Variants in CRPPA observed in about 807,000 individuals in gnomAD.
The protein encoded by CRPPA is CDP-L-ribitol pyrophosphorylase A, also known as D-ribitol-5-phosphate cytidylyltransferase.
A neutral mutation model predicts 52.0 loss-of-function variants in CRPPA; 43 were observed. The ratio of observed to expected loss-of-function variants is 0.83; its 90% confidence interval spans 0.65 to 1.07. The LOEUF is 1.07. CRPPA is among the 50% of genes least tolerant of loss of function. CRPPA has a pLI of 0.00. For synonymous variants in CRPPA, 250 were observed against 203.5 expected, an observed-to-expected ratio of 1.23 and a Z score of -1.94; for missense variants, 629 against 551.7, an observed-to-expected ratio of 1.14 and a Z score of -1.40.
chr7:16,191,462 T>C lies in CRPPA; in HGVS notation c.1251+24604A>G, dbSNP rs184246071. ...AAAATAGATTTGCAGACTTTGATAA[T>C]GGTGGTGTGGCTCATGGTGTAGGAA... On this transcript the variant is annotated intron_variant, in intron 9 of 9. Coordinates refer to ENST00000407010, the MANE Select transcript of CRPPA (RefSeq NM_001101426.4). 2.4e-3 allele frequency among the ~76,000 whole-genome samples: 365 copies of C among 152,182 alleles called. 4 individuals are homozygous for C. The highest frequency in any genetic ancestry group is 5.6e-3 in the South Asian group (27 of 4,830).
chr7:16,318,750 C>T (rs1785198564), intron 3 of CRPPA, among the ~76,000 whole-genome samples: 1 of 152,124 alleles, frequency 6.6e-6, no homozygotes, highest in Non-Finnish European at 1.5e-5. Context: ...TGGCCCTCCA[C>T]CTATATCAAT....
At chr7:16,397,605 GAC>G in intron 2 of CRPPA, among the ~76,000 whole-genome samples, 1 of 151,938 alleles carries the variant, frequency 6.6e-6, no homozygotes, top group Non-Finnish European at 1.5e-5. Context: ...ACTGACGTGT[GAC>G]ACGTGACACG....
intron 2 of CRPPA, among the ~76,000 whole-genome samples, chr7:16,389,167 C>T (rs1252019720): frequency 1.3e-5 from 2 of 152,116 alleles, no homozygotes; most frequent in Non-Finnish European, 2.9e-5. Flanking sequence ...CACTGATGAA[C>T]TATGCCAAAA....
chr7:16,137,827 T>C (rs1782790040), intron 9 of CRPPA, among the ~76,000 whole-genome samples: 1 of 152,198 alleles, frequency 6.6e-6, no homozygotes, highest in Admixed American at 6.5e-5. Flanking sequence ...AAGACAACTA[T>C]AACCTTTGCT....
chr7:16,308,225 T>G (rs1784957378), intron 4 of CRPPA, among the ~76,000 whole-genome samples: 1 of 152,110 alleles, frequency 6.6e-6, no homozygotes, highest in African/African-American at 2.4e-5. Context: ...TTACCAAGTC[T>G]CAGGTATTTC....
intron 1 of CRPPA, among the ~76,000 whole-genome samples, chr7:16,416,189 G>T (rs1432751465): frequency 6.6e-6 from 1 of 152,032 alleles, no homozygotes; most frequent in Non-Finnish European, 1.5e-5. Flanking sequence ...GCACAGTATT[G>T]GTACACAATA....
intron 1 of CRPPA, among the ~76,000 whole-genome samples, chr7:16,418,043 T>C (rs1169614985): frequency 6.6e-6 from 1 of 152,218 alleles, no homozygotes; most frequent in Non-Finnish European, 1.5e-5. Flanking sequence ...TTGTATAAAT[T>C]ATCTTTTTTA....
intron 9 of CRPPA, among the ~76,000 whole-genome samples, chr7:16,158,111 C>A (rs1374430278): frequency 1.3e-5 from 2 of 150,760 alleles, no homozygotes; most frequent in Non-Finnish European, 2.9e-5. Context: ...ATCTTGATCT[C>A]CTGACCTCGT....
intron 2 of CRPPA, among the ~76,000 whole-genome samples, chr7:16,386,192 G>C (rs1397288409): frequency 6.6e-6 from 1 of 152,192 alleles, no homozygotes; most frequent in Non-Finnish European, 1.5e-5. Flanking sequence ...ATCTCCTGGA[G>C]TTTGGCTGTC....
chr7:16,162,133 T>C (rs1452097377), intron 9 of CRPPA, among the ~76,000 whole-genome samples: 1 of 152,176 alleles, frequency 6.6e-6, no homozygotes, highest in Non-Finnish European at 1.5e-5. Context: ...AAAAACCAGC[T>C]CCTAGATTCA....
chr7:16,398,470 G>C (rs1366048711), intron 2 of CRPPA, among the ~76,000 whole-genome samples: 1 of 151,858 alleles, frequency 6.6e-6, no homozygotes, highest in Non-Finnish European at 1.5e-5. Flanking sequence ...GTGTGCGATT[G>C]ACATGATTGG....
At chr7:16,218,976 C>T (rs1278987391) in intron 8 of CRPPA, among the ~76,000 whole-genome samples, 1 of 152,174 alleles carries the variant, frequency 6.6e-6, no homozygotes, top group African/African-American at 2.4e-5. Flanking sequence ...CACCCCAAAT[C>T]AACAGAATAT....
At chr7:16,342,763 CAAAAA>C (rs368521163) in intron 3 of CRPPA, among the ~76,000 whole-genome samples, 6,234 of 64,806 alleles carry the variant, frequency 0.096, 821 homozygotes, top group African/African-American at 0.24. Flanking sequence ...CCTGTCTCCA[CAAAAA>C]AAAAAAAAAA....
intron 3 of CRPPA, among the ~76,000 whole-genome samples, chr7:16,373,309 G>A (rs968902029): frequency 6.6e-6 from 1 of 151,828 alleles, no homozygotes; most frequent in Non-Finnish European, 1.5e-5. Flanking sequence ...AAAAAAAAAA[G>A]AATAGAAATA....
chr7:16,299,618 T>C (rs1467334239), intron 5 of CRPPA, among the ~76,000 whole-genome samples: 10 of 152,276 alleles, frequency 6.6e-5, no homozygotes, highest in South Asian at 2.1e-4. Context: ...TTATTAGATA[T>C]ACAAACCCTA....
intron 3 of CRPPA, among the ~76,000 whole-genome samples, chr7:16,351,802 T>C (rs1261816261): frequency 1.3e-5 from 2 of 152,200 alleles, no homozygotes; most frequent in African/African-American, 4.8e-5. Flanking sequence ...AGAAAGCTTT[T>C]ACATTGTTGG....
intron 9 of CRPPA, among the ~76,000 whole-genome samples, chr7:16,169,710 A>G (rs1781139122): frequency 6.6e-6 from 1 of 152,194 alleles, no homozygotes; most frequent in South Asian, 2.1e-4. Flanking sequence ...CTGTATCACC[A>G]TTTCACTAGT....
chr7:16,391,735 G>C (rs1562675081), intron 2 of CRPPA, among the ~76,000 whole-genome samples: 1 of 152,120 alleles, frequency 6.6e-6, no homozygotes, highest in Non-Finnish European at 1.5e-5. Flanking sequence ...CAGTGCCCTA[G>C]AATGTTCACT....
chr7:16,158,026 C>T (rs1055772358), intron 9 of CRPPA, among the ~76,000 whole-genome samples: 1 of 151,728 alleles, frequency 6.6e-6, no homozygotes, highest in South Asian at 2.1e-4. Context: ...AGGCACGTGC[C>T]ACCACGCCCA....
Sources: allele counts gnomAD v4.1 joint callset (sites outside exome capture counted in the v4.1 genomes callset), GRCh38; gene constraint gnomAD v4.1.1; transcripts MANE v1.5; gene names NCBI Gene and HGNC (gene_info 2026-07-23, HGNC 2026-07-21).